Variants in TRPM3 observed in about 807,000 individuals in gnomAD.
The protein encoded by TRPM3 is transient receptor potential cation channel subfamily M member 3, also known as long transient receptor potential channel 3.
TRPM3 carries 77 observed loss-of-function variants against 181.2 expected under a neutral mutation model. That is an observed-to-expected ratio of 0.42 (90% CI 0.35 to 0.51). The LOEUF is 0.51. TRPM3 is among the 20% of genes least tolerant of loss of function. The pLI is 0.01. For missense variants in TRPM3, 1,759 were observed against 2,196.7 expected (o/e 0.80, Z 3.98); for synonymous variants, 745 against 796.4 (o/e 0.94, Z 1.09).
intron 1 of TRPM3, among the ~76,000 whole-genome samples, chr9:71,387,981 A>G (rs573505834): frequency 3.3e-5 from 5 of 152,316 alleles, no homozygotes; most frequent in African/African-American, 1.2e-4. Flanking sequence ...CTTAATTGCT[A>G]TATAATATTC....
At chr9:70,840,457 A>G in intron 5 of TRPM3, among the ~76,000 whole-genome samples, 1 of 152,138 alleles carries the variant, frequency 6.6e-6, no homozygotes, top group East Asian at 1.9e-4. Flanking sequence ...ACCCTCGGGA[A>G]CAGGGATGAT....
intron 1 of TRPM3, among the ~76,000 whole-genome samples, chr9:71,314,515 A>G (rs2088353844): frequency 6.6e-6 from 1 of 152,160 alleles, no homozygotes; most frequent in African/African-American, 2.4e-5. Flanking sequence ...ATATGGAAAG[A>G]AGCAATGGAG....
chr9:70,802,037 A>C (rs138601726), intron 6 of TRPM3, among the ~76,000 whole-genome samples: 64 of 152,324 alleles, frequency 4.2e-4, no homozygotes, highest in African/African-American at 1.5e-3. Flanking sequence ...CAGGTCTAGA[A>C]TAAGACCTGA....
At chr9:71,260,463 T>A (rs2082966262) in intron 1 of TRPM3, among the ~76,000 whole-genome samples, 1 of 152,200 alleles carries the variant, frequency 6.6e-6, no homozygotes, top group Non-Finnish European at 1.5e-5. Flanking sequence ...ATCTATCAAT[T>A]ACTTTGGGCA....
rs371681585 is a variant in TRPM3, at chr9:70,967,057, G to A, written c.178-102546C>T. ...CAAAAACAATAACAGAAAAGAAGCA[G>A]TTTTCCCTTGTGAAATTCTTCTGGA... On this transcript the variant is annotated intron_variant, in intron 1 of 25. Coordinates refer to ENST00000677713, the MANE Select transcript of TRPM3 (RefSeq NM_001366145.2). 2.2e-5 allele frequency among the ~76,000 whole-genome samples: 3 copies of A among 134,542 alleles called. No homozygotes were observed. The East Asian group carries it at 6.4e-4, about 29-fold the overall frequency. 88.3% of individuals were successfully genotyped at this position (134,542 alleles called of 152,430 possible). A position where few individuals can be genotyped will look rare whatever the true frequency, so the allele number is the denominator to read the frequency against.
At chr9:70,843,384 T>C (rs55808314) in intron 4 of TRPM3, among the ~76,000 whole-genome samples, 6,528 of 150,458 alleles carry the variant, frequency 0.043, 238 homozygotes, top group Admixed American at 0.12. Context: ...ACAAAAAGCA[T>C]CCAATGTCTA....
chr9:71,201,792 G>C (rs1255444954), intron 1 of TRPM3, among the ~76,000 whole-genome samples: 1 of 152,112 alleles, frequency 6.6e-6, no homozygotes, highest in Non-Finnish European at 1.5e-5. Flanking sequence ...CTGTAGCTCG[G>C]AATAGTTTGA....
chr9:70,898,788 A>G (rs1019011902), intron 1 of TRPM3, among the ~76,000 whole-genome samples: 4 of 151,644 alleles, frequency 2.6e-5, no homozygotes, highest in African/African-American at 7.3e-5. Flanking sequence ...AAAAGAAAAG[A>G]AAGAAAAAAT....
chr9:70,573,996 A>G (rs1447256642), intron 22 of TRPM3, among the ~76,000 whole-genome samples: 1 of 150,240 alleles, frequency 6.7e-6, no homozygotes, highest in Non-Finnish European at 1.5e-5. Context: ...ACACACACAC[A>G]CACACACACA....
Position 70,531,630 on chromosome 9 carries a change from CAT to C in TRPM3, c.*4321_*4322del, listed in dbSNP as rs1283235281. ...CTAGTATCACTTTATCTAGAAACAACATAGTGTTACTAAATGAACATATTTAT... is the reference window on the plus strand; with the variant it reads ...CTAGTATCACTTTATCTAGAAACAACAGTGTTACTAAATGAACATATTTAT... On this transcript the variant is annotated 3_prime_UTR_variant, in exon 26 of 26. Transcript: ENST00000677713. 1 of 152,174 alleles carries C rather than the reference CAT, an allele frequency of 6.6e-6. No homozygotes were observed. The highest frequency in any genetic ancestry group is 1.5e-5 in the Non-Finnish European group (1 of 68,030). The allele number at this position is 152,174 out of a possible 1,614,324, so 9.4% of individuals were successfully genotyped here. A position where few individuals can be genotyped will look rare whatever the true frequency, so the allele number is the denominator to read the frequency against.
At chr9:70,751,719 A>G (rs1490290653) in intron 8 of TRPM3, among the ~76,000 whole-genome samples, 1 of 152,148 alleles carries the variant, frequency 6.6e-6, no homozygotes, top group Non-Finnish European at 1.5e-5. Flanking sequence ...CTGTTCAAGA[A>G]ATGTACATTT....
intron 1 of TRPM3, among the ~76,000 whole-genome samples, chr9:71,028,630 G>GA (rs201506044): frequency 0.015 from 1,543 of 99,642 alleles, 8 homozygotes; most frequent in African/African-American, 0.03. Context: ...TCTACCAAAT[G>GA]AAAAAAAAAA....
At chr9:70,550,048 T>C (rs1052629091) in intron 24 of TRPM3, among the ~76,000 whole-genome samples, 3 of 152,196 alleles carry the variant, frequency 2.0e-5, no homozygotes, top group Admixed American at 6.6e-5. Flanking sequence ...ACATTGTTGA[T>C]TGGCCTTACT....
chr9:70,806,429 A>C (rs1351071505), intron 6 of TRPM3, among the ~76,000 whole-genome samples: 1 of 152,186 alleles, frequency 6.6e-6, no homozygotes, highest in African/African-American at 2.4e-5. Flanking sequence ...ACGGTGGCTC[A>C]CGCCTGTAAT....
chr9:71,256,680 C>T (rs1444155477), intron 1 of TRPM3, among the ~76,000 whole-genome samples: 1 of 152,086 alleles, frequency 6.6e-6, no homozygotes, highest in Non-Finnish European at 1.5e-5. Flanking sequence ...GTATGCCTGA[C>T]ATGGGACCTA....
chr9:70,784,376 A>C (rs2083125989), intron 6 of TRPM3, 97 bp from the exon 7 acceptor site: 4 of 1,325,280 alleles, frequency 3.0e-6, no homozygotes, highest in Admixed American at 2.7e-5. Flanking sequence ...CACAAACTAA[A>C]ATTACTGAGC....
chr9:70,626,104 T>C (rs1051717240), intron 12 of TRPM3, among the ~76,000 whole-genome samples: 1 of 152,202 alleles, frequency 6.6e-6, no homozygotes, highest in Non-Finnish European at 1.5e-5. Flanking sequence ...TCTAGAGTTA[T>C]GGTGTCTTTT....
At chr9:71,423,043 T>C (rs139223340) in intron 1 of TRPM3, among the ~76,000 whole-genome samples, 4 of 152,174 alleles carry the variant, frequency 2.6e-5, no homozygotes, top group Admixed American at 6.6e-5. Flanking sequence ...ATCCCCTATA[T>C]AGCTGATTAT....
chr9:70,586,272 CAAAAT>C (rs1296908223), intron 22 of TRPM3, among the ~76,000 whole-genome samples: 1 of 152,164 alleles, frequency 6.6e-6, no homozygotes, highest in Non-Finnish European at 1.5e-5. Flanking sequence ...ACAGTACAAA[CAAAAT>C]AAATATTCAT....
Sources: gnomAD v4.1 joint callset for allele counts (sites outside exome capture counted in the v4.1 genomes callset) on GRCh38, gnomAD v4.1.1 for gene constraint, MANE v1.5 for transcripts, NCBI Gene and HGNC (gene_info 2026-07-23, HGNC 2026-07-21) for gene names.